Variants in SAMD5 observed in about 807,000 individuals in gnomAD.
The protein encoded by SAMD5 is sterile alpha motif domain containing 5, also known as sterile alpha motif domain-containing protein 5.
In SAMD5, 13 loss-of-function variants were observed where a neutral mutation model predicts 11.3. The ratio of observed to expected loss-of-function variants is 1.15; its 90% CI spans 0.75 to 1.83. The LOEUF (loss-of-function observed/expected upper bound fraction) is 1.83, where lower values mean the gene tolerates loss of function less well. Among genes scored for constraint, SAMD5 ranks in the 40% most tolerant of loss-of-function variants. The pLI is 0.00. For missense variants in SAMD5, 255 were observed against 239.1 expected (o/e 1.07, Z -0.44); for synonymous variants, 129 against 111.3 (o/e 1.16, Z -1.00).
the SAMD5 span, among the ~76,000 whole-genome samples, chr6:147,940,140 A>G: frequency 2.6e-5 from 4 of 151,316 alleles, no homozygotes; most frequent in Admixed American, 1.3e-4. Context: ...AGCAGCATAT[A>G]TGTTTGTGGG....
Position 147,509,186 on chromosome 6 carries a change from C to A in SAMD5, c.258C>A (p.Pro86=). The part of the protein sequence containing the change: ...LEPQPAPPGP[P]ADAVPTGRRG... ...CGCAGCCGGCGCCCCCCGGGCCGCC[C>A]GCCGACGCCGTCCCCACCGGCCGCC... Residue 86 remains proline (P), a synonymous_variant, in exon 1 of 2, where the codon CCC becomes CCA. Coordinates refer to ENST00000367474, the MANE Select transcript of SAMD5 (RefSeq NM_001030060.3). 1 of 1,288,870 alleles carries A rather than the reference C, an allele frequency of 7.8e-7. No individual in the cohort carries two copies. The allele number at this position is 1,288,870 out of a possible 1,614,324, so 79.8% of individuals were successfully genotyped here.
chr6:147,570,274 TG>T (rs1789116724), downstream of SAMD5, among the ~76,000 whole-genome samples: 2 of 152,100 alleles, frequency 1.3e-5, no homozygotes, highest in Admixed American at 6.6e-5. Context: ...CCTTCTCTTG[TG>T]TGATTCTGTG....
chr6:147,718,778 C>G (rs1037178396), intron 1 of SAMD5, among the ~76,000 whole-genome samples: 5 of 152,074 alleles, frequency 3.3e-5, no homozygotes, highest in Non-Finnish European at 5.9e-5. Flanking sequence ...GCAGCCTCCC[C>G]CTCCCAGGTT....
At chr6:147,947,877 A>G in the SAMD5 span, among the ~76,000 whole-genome samples, 1 of 152,140 alleles carries the variant, frequency 6.6e-6, no homozygotes, top group African/African-American at 2.4e-5. Flanking sequence ...TGATAAAACC[A>G]TAAAACTCCA....
intron 1 of SAMD5, among the ~76,000 whole-genome samples, chr6:147,638,774 A>G (rs1046659988): frequency 1.3e-5 from 2 of 152,232 alleles, no homozygotes; most frequent in African/African-American, 4.8e-5. Flanking sequence ...GTCAGTTTCA[A>G]TATTTTCTGT....
intron 1 of SAMD5, among the ~76,000 whole-genome samples, chr6:147,602,831 T>C (rs1209763592): frequency 6.6e-6 from 1 of 150,752 alleles, no homozygotes; most frequent in Non-Finnish European, 1.5e-5. Context: ...ATAAGAAAAA[T>C]TAATAGATAA....
intron 1 of SAMD5, among the ~76,000 whole-genome samples, chr6:147,541,510 G>A (rs944289661): frequency 4.6e-5 from 7 of 152,070 alleles, no homozygotes; most frequent in Admixed American, 6.5e-5. Context: ...ACCTCCAAAC[G>A]GTAATTCACA....
the SAMD5 span, among the ~76,000 whole-genome samples, chr6:147,949,416 G>A: frequency 4.6e-5 from 7 of 152,126 alleles, no homozygotes; most frequent in Non-Finnish European, 1.0e-4. Flanking sequence ...ACTATATTCA[G>A]GTAAGCCACA....
At chr6:147,946,857 C>T in the SAMD5 span, among the ~76,000 whole-genome samples, 62 of 152,302 alleles carry the variant, frequency 4.1e-4, 3 homozygotes, top group South Asian at 0.012. Flanking sequence ...CTTTGAATAA[C>T]TTGACAATTC....
At chr6:147,549,889 G>C (rs842019) in intron 1 of SAMD5, among the ~76,000 whole-genome samples, 88,475 of 150,910 alleles carry the variant, frequency 0.59, 27,603 homozygotes, top group East Asian at 0.92. Flanking sequence ...TGTTAGATTT[G>C]CTGATTTAAA....
At chr6:147,621,597 A>G (rs1201711810) in intron 1 of SAMD5, among the ~76,000 whole-genome samples, 3 of 152,170 alleles carry the variant, frequency 2.0e-5, no homozygotes, top group Admixed American at 6.5e-5. Flanking sequence ...TTCGCTAGTG[A>G]TGATTTGGGA....
the SAMD5 span, among the ~76,000 whole-genome samples, chr6:147,819,309 C>T: frequency 6.6e-6 from 1 of 152,106 alleles, no homozygotes. Flanking sequence ...GGGAACAACA[C>T]ACACTGGGGC....
the SAMD5 span, among the ~76,000 whole-genome samples, chr6:147,925,873 C>T: frequency 1.3e-5 from 2 of 152,112 alleles, no homozygotes. Context: ...TTTGTTGTTC[C>T]CTTCTTTGTG....
chr6:147,788,012 T>C, the SAMD5 span, among the ~76,000 whole-genome samples: 8 of 152,174 alleles, frequency 5.3e-5, no homozygotes, highest in Non-Finnish European at 1.2e-4. Flanking sequence ...GGCTTTTCTT[T>C]TAATGTGAGA....
chr6:147,938,333 G>A, the SAMD5 span, among the ~76,000 whole-genome samples: 212 of 152,116 alleles, frequency 1.4e-3, 1 homozygote, highest in East Asian at 3.9e-4. Flanking sequence ...TTAATCAAAC[G>A]AAAAAGATAA....
intron 1 of SAMD5, chr6:147,692,565 A>G (rs945364286): frequency 1.3e-5 from 2 of 152,226 alleles, no homozygotes; most frequent in African/African-American, 2.4e-5. Flanking sequence ...TGATATCACC[A>G]TAGGACACAG....
the SAMD5 span, among the ~76,000 whole-genome samples, chr6:147,866,603 A>G: frequency 6.6e-6 from 1 of 152,158 alleles, no homozygotes; most frequent in Non-Finnish European, 1.5e-5. Flanking sequence ...TTATATTCCA[A>G]ATTTTTACAA....
chr6:147,881,855 C>T, the SAMD5 span, among the ~76,000 whole-genome samples: 4 of 152,164 alleles, frequency 2.6e-5, no homozygotes, highest in African/African-American at 9.7e-5. Context: ...ATGCCCTTGG[C>T]TTCGATCTGG....
the SAMD5 span, among the ~76,000 whole-genome samples, chr6:147,912,281 C>A: frequency 6.6e-6 from 1 of 152,142 alleles, no homozygotes; most frequent in African/African-American, 2.4e-5. Flanking sequence ...TTCTTGCAAT[C>A]AGTTTATGTA....
Sources: allele counts gnomAD v4.1 joint callset (sites outside exome capture counted in the v4.1 genomes callset), GRCh38; gene constraint gnomAD v4.1.1; transcripts MANE v1.5; gene names NCBI Gene and HGNC (gene_info 2026-07-23, HGNC 2026-07-21).